Variants in TCTN2 observed in about 807,000 individuals in gnomAD.
TCTN2 encodes the protein tectonic-2.
Under a neutral mutation model 83.4 loss-of-function variants are expected in TCTN2, and 66 were observed. The observed-to-expected ratio is 0.79, with a 90% CI of 0.65 to 0.97. The LOEUF is 0.97. TCTN2 is among the 50% of genes least tolerant of loss of function. The pLI is 0.00. For synonymous variants in TCTN2, 301 were observed against 326.7 expected (o/e 0.92, Z 0.85); for missense variants, 794 against 858.1 (o/e 0.93, Z 0.93).
At chr12:123,703,189 T>C (rs943764808) in intron 14 of TCTN2, among the ~76,000 whole-genome samples, 3 of 142,842 alleles carry the variant, frequency 2.1e-5, no homozygotes, top group Non-Finnish European at 1.6e-5. Flanking sequence ...TCAATTATTA[T>C]CATTATTTTT....
At chr12:123,692,008 C>T (rs1473490497) in intron 8 of TCTN2, among the ~76,000 whole-genome samples, 1 of 152,160 alleles carries the variant, frequency 6.6e-6, no homozygotes, top group African/African-American at 2.4e-5. Context: ...GATTCTCCTG[C>T]CTCAGCCTCC....
chr12:123,674,500 C>T (rs150323591), intron 4 of TCTN2, among the ~76,000 whole-genome samples: 76 of 152,262 alleles, frequency 5.0e-4, no homozygotes, highest in Middle Eastern at 3.4e-3. Flanking sequence ...GATCTCCTGA[C>T]CTTGTGATCC....
chr12:123,696,498 A>G lies in TCTN2; in HGVS notation c.1393+3A>G. The stretch of plus-strand genomic sequence containing the variant: ...GACTTTACATCTTTGGCAATCGGGT[A>G]ATCCGGTTTGGTCATTATGATTAGC... On this transcript the variant is annotated splice_donor_region_variant and intron_variant, in intron 12 of 17. Coordinates refer to ENST00000303372, the MANE Select transcript of TCTN2 (RefSeq NM_024809.5). 6.2e-7 allele frequency: 1 copy of G among 1,613,780 alleles called. No homozygotes were observed. Among genetic ancestry groups the G allele is most frequent in the Non-Finnish European group, 8.5e-7 (1 of 1,179,662 alleles).
chr12:123,696,520 T>C, intron 12 of TCTN2, 25 bp downstream of exon 12: 1 of 1,597,176 alleles, frequency 6.3e-7, no homozygotes, highest in South Asian at 1.1e-5. Flanking sequence ...TCATTATGAT[T>C]AGCCCTTTGG....
At chr12:123,692,524 T>G in intron 8 of TCTN2, 134 bp from the exon 9 acceptor site, 3 of 719,086 alleles carry the variant, frequency 4.2e-6, no homozygotes, top group East Asian at 2.7e-5. Context: ...TTTTGGGGAG[T>G]GGGGAGGGTT....
At position 123,694,914 on chromosome 12, in the gene TCTN2, A is replaced by G; in HGVS notation, c.1172A>G (p.Asn391Ser). ...GAACATTATATTTTCAAATGGAATA[A>G]TAATACCATCAGTGAAATAAATGTT... is the stretch of plus-strand genomic sequence containing the variant. ...VEEHYIFKWN[N>S]NTISEINVKI... Residue 391 changes from asparagine (N) to serine (S), a missense_variant, in exon 10 of 18, where the codon AAT (asparagine) becomes AGT (serine). By Grantham distance (46) the Asn-to-Ser change is conservative. Transcript: ENST00000303372. 1 of 1,613,558 alleles carries G rather than the reference A, an allele frequency of 6.2e-7. No homozygotes were observed. Among genetic ancestry groups the G allele is most frequent in the South Asian group, 1.1e-5 (1 of 91,076 alleles).
intron 12 of TCTN2, 38 bp downstream of exon 12, chr12:123,696,533 A>G: frequency 6.5e-7 from 1 of 1,546,958 alleles, no homozygotes; most frequent in Admixed American, 1.7e-5. Flanking sequence ...CCCTTTGGCA[A>G]ATTGGTGTTA....
At chr12:123,677,996 G>A (rs1474871098) in intron 4 of TCTN2, among the ~76,000 whole-genome samples, 1 of 152,094 alleles carries the variant, frequency 6.6e-6, no homozygotes, top group Admixed American at 6.6e-5. Flanking sequence ...TCTTCCTGAC[G>A]CCCAGCCTAA....
At chr12:123,702,566 T>G (rs1413404049) in intron 14 of TCTN2, among the ~76,000 whole-genome samples, 1 of 152,202 alleles carries the variant, frequency 6.6e-6, no homozygotes, top group Non-Finnish European at 1.5e-5. Context: ...GGCTGCTGTT[T>G]GCTCATCTAG....
chr12:123,702,968 C>T (rs1956189157), intron 14 of TCTN2, among the ~76,000 whole-genome samples: 1 of 152,112 alleles, frequency 6.6e-6, no homozygotes, highest in African/African-American at 2.4e-5. Context: ...GAGCAAAGAA[C>T]CCCCTTCAGA....
Position 123,671,187 on chromosome 12 carries a change from C to T in TCTN2, c.-54C>T. The T allele has an allele frequency of 1.3e-6, 2 of 1,546,608 alleles. No individual in the cohort carries two copies. Among genetic ancestry groups the T allele is most frequent in the Non-Finnish European group, 1.8e-6 (2 of 1,135,160 alleles). On this transcript the variant is annotated 5_prime_UTR_variant, in exon 1 of 18. Transcript: ENST00000303372. ...CTGCGTTTTCGTGTCTGAGTCCTTC[C>T]TGGGTTCTAATGAGGGCGCGGTTCT...
At chr12:123,699,904 T>C in intron 14 of TCTN2, 94 bp downstream of exon 14, 1 of 965,080 alleles carries the variant, frequency 1.0e-6, no homozygotes. Flanking sequence ...GTAGGTCATC[T>C]TCCTGAGGCT....
intron 9 of TCTN2, 90 bp from the exon 10 acceptor site, chr12:123,694,752 G>C: frequency 1.4e-6 from 2 of 1,451,444 alleles, no homozygotes; most frequent in Non-Finnish European, 1.9e-6. Flanking sequence ...GGGCACTTGG[G>C]GAAGGCCACG....
chr12:123,697,039 CTTTTG>C (rs1362059446), intron 12 of TCTN2, 43 bp from the exon 13 acceptor site: 1 of 1,472,020 alleles, frequency 6.8e-7, no homozygotes, highest in Middle Eastern at 1.7e-4. Context: ...TTAATCTTTA[CTTTTG>C]TTTAGCAAAA....
chr12:123,696,095 C>T lies in TCTN2; in HGVS notation c.1313-320C>T, dbSNP rs907588791. ...CTGACCTCAGGTGATCCACCCACCT[C>T]GGCCTCCCAAAGTGCTAGGATTACA... is the stretch of plus-strand genomic sequence containing the variant. On this transcript the variant is annotated intron_variant, in intron 11 of 17. Transcript: ENST00000303372. 124 of 344,816 alleles carry T rather than the reference C, an allele frequency of 3.6e-4. 1 individual carries two copies. Among genetic ancestry groups the T allele is most frequent in the African/African-American group, 2.2e-3 (105 of 46,786 alleles). The allele number at this position is 344,816 out of a possible 1,614,324, so 21.4% of individuals were successfully genotyped here. A position where few individuals can be genotyped will look rare whatever the true frequency, so the allele number is the denominator to read the frequency against.
chr12:123,673,492 T>G, intron 3 of TCTN2, 123 bp from the exon 4 acceptor site: 1 of 927,184 alleles, frequency 1.1e-6, no homozygotes, highest in Non-Finnish European at 1.7e-6. Flanking sequence ...GTCATCTCTG[T>G]ATACATTTCC....
chr12:123,707,057 G>A lies in TCTN2; in HGVS notation c.1968G>A (p.Trp656Ter), dbSNP rs1956239027. The change falls in exon 17 of 18, where the codon TGG becomes TGA. Residue 656 changes from tryptophan (W) to a stop codon, truncating the protein, a stop_gained. Transcript: ENST00000303372. LOFTEE classifies it low-confidence loss of function (END_TRUNC). Reference sequence around the variant, plus strand: ...GTTGGCCGCAGCTTCTATATCCATGGACTCAGTATTATCAAGGTAGGGTGA... The same window carrying A: ...GTTGGCCGCAGCTTCTATATCCATGAACTCAGTATTATCAAGGTAGGGTGA... ...EVCWPQLLYP[W>*]TQYYQGELHS... 6.2e-7 allele frequency: 1 copy of A among 1,613,296 alleles called. No homozygotes were observed. Among genetic ancestry groups the A allele is most frequent in the Non-Finnish European group, 8.5e-7 (1 of 1,179,904 alleles).
intron 4 of TCTN2, among the ~76,000 whole-genome samples, chr12:123,674,224 C>T (rs1361387459): frequency 4.6e-5 from 7 of 151,794 alleles, no homozygotes; most frequent in Non-Finnish European, 8.8e-5. Flanking sequence ...TTATAAGCTA[C>T]CTTGAATCCT....
chr12:123,685,539 C>A (rs1955953692), intron 5 of TCTN2, among the ~76,000 whole-genome samples: 1 of 152,012 alleles, frequency 6.6e-6, no homozygotes, highest in Non-Finnish European at 1.5e-5. Context: ...CTGCCTCAGC[C>A]TCCCAAATAG....
Sources: gnomAD v4.1 joint callset for allele counts (sites outside exome capture counted in the v4.1 genomes callset) on GRCh38, gnomAD v4.1.1 for gene constraint, MANE v1.5 for transcripts, NCBI Gene and HGNC (gene_info 2026-07-23, HGNC 2026-07-21) for gene names.